The following ZNF608 variants were observed in gnomAD, a reference collection of about 807,000 sequenced individuals.
ZNF608 encodes the protein zinc finger protein 608, also known as renal carcinoma antigen NY-REN-36.
In ZNF608, 12 loss-of-function variants were observed where a neutral mutation model predicts 109.0. That is an observed-to-expected ratio of 0.11 (90% CI 0.07 to 0.18). The LOEUF (loss-of-function observed/expected upper bound fraction) is 0.18. ZNF608 is among the 10% of genes least tolerant of loss of function. The pLI is 1.00. For synonymous variants in ZNF608, 732 were observed against 717.4 expected (o/e 1.02, Z -0.33); for missense variants, 1,707 against 1,879.3 (o/e 0.91, Z 1.70).
At chr5:124,729,336 C>T (rs369937982) in intron 2 of ZNF608, among the ~76,000 whole-genome samples, 74 of 152,246 alleles carry the variant, frequency 4.9e-4, no homozygotes, top group African/African-American at 1.8e-3. Flanking sequence ...GGAAGACCAG[C>T]CAATGGAGGT....
chr5:124,648,225 GCTT>G lies in ZNF608; in HGVS notation c.2156_2158del (p.Lys719_Ala720delinsThr). 7 of 1,614,156 alleles carry G rather than the reference GCTT, an allele frequency of 4.3e-6. No homozygotes were observed. Among genetic ancestry groups the G allele is most frequent in the South Asian group, 1.1e-5 (1 of 91,086 alleles). The stretch of plus-strand genomic sequence containing the variant: ...GTTTTTGTCCGTTTTGCAGTTGGTA[GCTT>G]TTTTGCCCTTTTCTTTATCTCCTAA... On this transcript the variant is annotated inframe_deletion, in exon 5 of 10. Transcript: ENST00000513986.
Position 124,703,022 on chromosome 5 carries a change from G to C in ZNF608, c.907-1753C>G, listed in dbSNP as rs147672324. ...CTAGTAGTCTTTATTACAACTAAAA[G>C]ACTGTCTGAGATTAGAATCACTTTC... is the stretch of plus-strand genomic sequence containing the variant. On this transcript the variant is annotated intron_variant, in intron 2 of 9. Coordinates refer to ENST00000513986, the MANE Select transcript of ZNF608 (RefSeq NM_020747.3). Among the ~76,000 whole-genome samples the C allele has an allele frequency of 2.1e-3, 313 of 152,170 alleles. 2 individuals carry two copies. The highest frequency in any genetic ancestry group is 3.4e-3 in the Non-Finnish European group (228 of 67,996).
intron 2 of ZNF608, among the ~76,000 whole-genome samples, chr5:124,741,394 GAAAAAAAAAAAA>G (rs34192958): frequency 0.023 from 1,601 of 68,460 alleles, 44 homozygotes; most frequent in African/African-American, 0.085. Flanking sequence ...CTTCCAACCA[GAAAAAAAAAAAA>G]AAAAAAAAAA....
At chr5:124,675,359 T>C (rs1050966820) in intron 3 of ZNF608, among the ~76,000 whole-genome samples, 20 of 152,262 alleles carry the variant, frequency 1.3e-4, no homozygotes, top group African/African-American at 4.8e-4. Context: ...TAAAGTCTTC[T>C]GGAGCCTTCC....
chr5:124,671,044 C>T (rs1242353565), intron 3 of ZNF608, among the ~76,000 whole-genome samples: 2 of 152,158 alleles, frequency 1.3e-5, no homozygotes, highest in Non-Finnish European at 2.9e-5. Flanking sequence ...AATTTATGAG[C>T]AATGTCAGCT....
At chr5:124,724,310 G>C (rs368445143) in intron 2 of ZNF608, among the ~76,000 whole-genome samples, 77 of 151,892 alleles carry the variant, frequency 5.1e-4, no homozygotes, top group African/African-American at 1.8e-3. Context: ...GGGCATAAGG[G>C]GGAAGTAAAA....
At chr5:124,665,003 G>A (rs938199768) in intron 3 of ZNF608, among the ~76,000 whole-genome samples, 24 of 151,990 alleles carry the variant, frequency 1.6e-4, no homozygotes, top group Non-Finnish European at 2.8e-4. Flanking sequence ...GTGAAACCCC[G>A]TCTCTACTAA....
At chr5:124,662,656 G>A (rs922901297) in intron 3 of ZNF608, among the ~76,000 whole-genome samples, 2 of 152,236 alleles carry the variant, frequency 1.3e-5, no homozygotes, top group African/African-American at 4.8e-5. Context: ...CAGGGCAGCC[G>A]ACTTCAAGCC....
intron 2 of ZNF608, among the ~76,000 whole-genome samples, chr5:124,714,706 A>T (rs973370213): frequency 1.3e-5 from 2 of 152,250 alleles, no homozygotes; most frequent in Non-Finnish European, 2.9e-5. Context: ...GTGCTCAACA[A>T]ATGTTAGTTA....
At chr5:124,745,347 A>G (rs1383635448) in intron 1 of ZNF608, 175 bp from the exon 2 acceptor site, 2 of 297,428 alleles carry the variant, frequency 6.7e-6, no homozygotes, top group African/African-American at 2.2e-5. Context: ...AACCCGAAAA[A>G]TAAACCTATG....
intron 3 of ZNF608, among the ~76,000 whole-genome samples, chr5:124,688,703 T>C (rs372532572): frequency 3.3e-5 from 5 of 152,248 alleles, no homozygotes; most frequent in South Asian, 2.1e-4. Flanking sequence ...AGATATACTA[T>C]GTAATCCTAT....
chr5:124,712,361 G>A (rs1346159637), intron 2 of ZNF608, among the ~76,000 whole-genome samples: 1 of 152,164 alleles, frequency 6.6e-6, no homozygotes, highest in African/African-American at 2.4e-5. Flanking sequence ...TCTATCAGGC[G>A]AATGGACAGA....
At chr5:124,646,349 T>C (rs1750505905) in intron 5 of ZNF608, among the ~76,000 whole-genome samples, 1 of 151,944 alleles carries the variant, frequency 6.6e-6, no homozygotes, top group Non-Finnish European at 1.5e-5. Flanking sequence ...CAGAGAGAGA[T>C]TCCGTCTCAA....
At chr5:124,665,534 CAGTT>C (rs1288507530) in intron 3 of ZNF608, among the ~76,000 whole-genome samples, 1 of 152,190 alleles carries the variant, frequency 6.6e-6, no homozygotes, top group Non-Finnish European at 1.5e-5. Context: ...GAGCCTGTCT[CAGTT>C]GGTTCTTTCC....
At chr5:124,734,634 G>T (rs1333043601) in intron 2 of ZNF608, 1 of 152,104 alleles carries the variant, frequency 6.6e-6, no homozygotes, top group African/African-American at 2.4e-5. Flanking sequence ...CAAAAACTTG[G>T]GTACACATTA....
chr5:124,738,996 G>A (rs1749263570), intron 2 of ZNF608, among the ~76,000 whole-genome samples: 1 of 152,310 alleles, frequency 6.6e-6, no homozygotes, highest in African/African-American at 2.4e-5. Flanking sequence ...AAGTGCTTGT[G>A]GCTAAAATAG....
At chr5:124,667,554 C>T (rs1161049981) in intron 3 of ZNF608, among the ~76,000 whole-genome samples, 2 of 152,140 alleles carry the variant, frequency 1.3e-5, no homozygotes, top group South Asian at 2.1e-4. Flanking sequence ...TGTTGAAATT[C>T]CAAATTATAG....
At chr5:124,745,722 C>A (rs1448564229) in intron 1 of ZNF608, among the ~76,000 whole-genome samples, 1 of 152,118 alleles carries the variant, frequency 6.6e-6, no homozygotes, top group Admixed American at 6.5e-5. Flanking sequence ...ATTGTCTGGG[C>A]AATCTGTTTT....
At chr5:124,643,304 C>T (rs576383256) in intron 7 of ZNF608, among the ~76,000 whole-genome samples, 2 of 152,126 alleles carry the variant, frequency 1.3e-5, no homozygotes, top group African/African-American at 2.4e-5. Context: ...GAAAAGCTTG[C>T]TACTGCCATA....
Sources: allele counts gnomAD v4.1 joint callset (sites outside exome capture counted in the v4.1 genomes callset), GRCh38; gene constraint gnomAD v4.1.1; transcripts MANE v1.5; gene names NCBI Gene and HGNC (gene_info 2026-07-23, HGNC 2026-07-21).